Variants in FIGN observed in about 807,000 individuals in gnomAD.
FIGN encodes the protein fidgetin.
Under a neutral mutation model 51.3 loss-of-function variants are expected in FIGN, and 11 were observed. The ratio of observed to expected loss-of-function variants is 0.21; its 90% confidence interval spans 0.13 to 0.35. The LOEUF is 0.35. FIGN is among the 10% of genes least tolerant of loss of function. The probability of loss-of-function intolerance (pLI) is 1.00; values close to 1 mark genes in which losing one functional copy is unlikely to be tolerated. For missense variants in FIGN, 857 were observed against 943.6 expected, an observed-to-expected ratio of 0.91 and a Z score of 1.20; for synonymous variants, 407 against 363.2, an observed-to-expected ratio of 1.12 and a Z score of -1.37.
chr2:163,720,889 T>G, intron 2 of FIGN, among the ~76,000 whole-genome samples: 1 of 152,286 alleles, frequency 6.6e-6, no homozygotes, highest in East Asian at 1.9e-4. Context: ...ACAAATATAG[T>G]TTCATATTTT....
At chr2:163,624,713 T>C (rs1041227077) in intron 2 of FIGN, among the ~76,000 whole-genome samples, 2 of 148,882 alleles carry the variant, frequency 1.3e-5, no homozygotes, top group Non-Finnish European at 3.0e-5. Flanking sequence ...TATATATTTT[T>C]TTTTTTCCTA....
chr2:163,611,285 G>T lies in FIGN; in HGVS notation c.547C>A (p.Gln183Lys), dbSNP rs1187994920. ...VPSLHAGLPS[Q>K]EYAPGYNGSY... ...CCGTTGTATCCTGGGGCATATTCCT[G>T]AGATGGGAGCCCTGCATGAAGACTG... Residue 183 changes from glutamine to lysine, a missense_variant, in exon 3 of 3, where the codon CAG (glutamine) becomes AAG (lysine). Physicochemically the swap from Gln to Lys is moderately conservative, Grantham distance 53 (BLOSUM62 1). Around this residue, in one of 3 missense-constraint regions of FIGN, gnomAD observed 799 missense variants for 849.5 expected, o/e 0.94. Coordinates refer to ENST00000333129, the MANE Select transcript of FIGN (RefSeq NM_018086.4). The T allele has an allele frequency of 6.2e-7, 1 of 1,613,990 alleles. No homozygotes were observed. Among genetic ancestry groups the T allele is most frequent in the Non-Finnish European group, 8.5e-7 (1 of 1,180,016 alleles).
intron 2 of FIGN, among the ~76,000 whole-genome samples, chr2:163,729,991 AT>A (rs1380791192): frequency 9.2e-5 from 14 of 152,294 alleles, no homozygotes; most frequent in Middle Eastern, 3.4e-3. Flanking sequence ...ATGGTTTCTG[AT>A]CACCTATCTT....
intron 2 of FIGN, among the ~76,000 whole-genome samples, chr2:163,698,423 A>G (rs1204069521): frequency 6.6e-6 from 1 of 151,848 alleles, no homozygotes; most frequent in Admixed American, 6.6e-5. Context: ...CTAGTCTCCC[A>G]ATGCTACACT....
At chr2:163,618,358 A>G (rs1052112688) in intron 2 of FIGN, among the ~76,000 whole-genome samples, 3 of 152,054 alleles carry the variant, frequency 2.0e-5, no homozygotes. Context: ...TCCAAATTAC[A>G]ATACATTTTG....
chr2:163,613,985 C>G (rs1189520738), intron 2 of FIGN, among the ~76,000 whole-genome samples: 1 of 152,026 alleles, frequency 6.6e-6, no homozygotes, highest in Non-Finnish European at 1.5e-5. Flanking sequence ...GCAACAGATT[C>G]TTTCTTCAAT....
At chr2:163,691,796 G>C (rs2105345619) in intron 2 of FIGN, among the ~76,000 whole-genome samples, 1 of 152,228 alleles carries the variant, frequency 6.6e-6, no homozygotes, top group East Asian at 1.9e-4. Flanking sequence ...AGTGGAAGTT[G>C]TGGAATAAAG....
At chr2:163,685,541 C>A (rs1486678571) in intron 2 of FIGN, among the ~76,000 whole-genome samples, 2 of 152,156 alleles carry the variant, frequency 1.3e-5, no homozygotes, top group Non-Finnish European at 2.9e-5. Context: ...TTCAGAGGAA[C>A]TACTACCTCC....
chr2:163,718,566 A>G (rs1443407552), intron 2 of FIGN, among the ~76,000 whole-genome samples: 1 of 152,188 alleles, frequency 6.6e-6, no homozygotes, highest in African/African-American at 2.4e-5. Flanking sequence ...TTATTACACC[A>G]CATTTCAACC....
At chr2:163,662,785 G>C (rs1355515946) in intron 2 of FIGN, among the ~76,000 whole-genome samples, 2 of 152,226 alleles carry the variant, frequency 1.3e-5, no homozygotes, top group Non-Finnish European at 2.9e-5. Flanking sequence ...TGAATCGGGG[G>C]AGGTAACTGA....
At chr2:163,660,684 TAC>T (rs1249585768) in intron 2 of FIGN, among the ~76,000 whole-genome samples, 1 of 118,846 alleles carries the variant, frequency 8.4e-6, no homozygotes, top group Non-Finnish European at 1.7e-5. Flanking sequence ...TATATATATA[TAC>T]ACATATACAT....
chr2:163,684,014 T>G lies in FIGN; in HGVS notation c.25+50889A>C, dbSNP rs79056053. 1.6e-4 allele frequency among the ~76,000 whole-genome samples: 24 copies of G among 152,344 alleles called. No individual in the cohort carries two copies. In the East Asian group the frequency reaches 4.4e-3, roughly 28 times the overall value. On this transcript the variant is annotated intron_variant, in intron 2 of 2. Transcript: ENST00000333129. The stretch of plus-strand genomic sequence containing the variant: ...GGATTTGCAAAGAAAACAATCTCTG[T>G]GTTTTTCCAATGTTGAAAATCAATG...
intron 2 of FIGN, among the ~76,000 whole-genome samples, chr2:163,678,841 A>G (rs1162501467): frequency 1.3e-5 from 2 of 152,256 alleles, no homozygotes; most frequent in African/African-American, 4.8e-5. Context: ...GAATCAACCC[A>G]ACAATAATAC....
chr2:163,653,705 T>C (rs1347336430), intron 2 of FIGN, among the ~76,000 whole-genome samples: 1 of 152,116 alleles, frequency 6.6e-6, no homozygotes, highest in Non-Finnish European at 1.5e-5. Flanking sequence ...TCTTAATCTA[T>C]TCAGGGTAAC....
At chr2:163,734,868 A>G (rs1244133772) in intron 2 of FIGN, 35 bp downstream of exon 2, 4 of 1,590,862 alleles carry the variant, frequency 2.5e-6, no homozygotes, top group Non-Finnish European at 3.4e-6. Context: ...TTTCCTATTT[A>G]GATGCAAAGG....
rs192996220 is a variant in FIGN, at chr2:163,645,777, C to T, written c.26-33971G>A. Among the ~76,000 whole-genome samples the T allele has an allele frequency of 8.4e-4, 128 of 152,162 alleles. No individual in the cohort carries two copies. In the East Asian group the frequency reaches 0.017, roughly 20 times the overall value. ...TTGGAATATGAGGTCTGAGTCATACCGAAAAGGCAATGGCATGAACCTGAT... is the reference window on the plus strand; with the variant it reads ...TTGGAATATGAGGTCTGAGTCATACTGAAAAGGCAATGGCATGAACCTGAT... On this transcript the variant is annotated intron_variant, in intron 2 of 2. Transcript: ENST00000333129.
At chr2:163,729,531 C>T (rs1030988063) in intron 2 of FIGN, among the ~76,000 whole-genome samples, 3 of 151,988 alleles carry the variant, frequency 2.0e-5, no homozygotes, top group Non-Finnish European at 4.4e-5. Context: ...AAAATGAGAA[C>T]AGAAACCTAG....
intron 2 of FIGN, among the ~76,000 whole-genome samples, chr2:163,651,627 T>A (rs1683479262): frequency 6.6e-6 from 1 of 152,216 alleles, no homozygotes; most frequent in South Asian, 2.1e-4. Context: ...AGACATGTAA[T>A]GCTTTAAAAA....
rs1438539660 is a variant in FIGN, at chr2:163,607,063, A to G, written c.*2489T>C. ...ATGTGGGTCAATATTGGATTTTCCAAAGTTGTCTAAATAAGACTGGGTTTG... is the reference window on the plus strand; with the variant it reads ...ATGTGGGTCAATATTGGATTTTCCAGAGTTGTCTAAATAAGACTGGGTTTG... On this transcript the variant is annotated 3_prime_UTR_variant, in exon 3 of 3. Transcript: ENST00000333129. The G allele has an allele frequency of 6.6e-6, 1 of 152,204 alleles. No homozygotes were observed. Among genetic ancestry groups the G allele is most frequent in the Non-Finnish European group, 1.5e-5 (1 of 68,034 alleles). The allele number at this position is 152,204 out of a possible 1,614,324, so 9.4% of individuals were successfully genotyped here. A position where few individuals can be genotyped will look rare whatever the true frequency, so the allele number is the denominator to read the frequency against.
Sources: gnomAD v4.1 joint callset for allele counts (sites outside exome capture counted in the v4.1 genomes callset) on GRCh38, gnomAD v4.1.1 for gene constraint, gnomAD v4.1.1 regional missense constraint, MANE v1.5 for transcripts, NCBI Gene and HGNC (gene_info 2026-07-23, HGNC 2026-07-21) for gene names.